The following EPC2 variants were observed in gnomAD, a reference collection of about 807,000 sequenced individuals.
The protein encoded by EPC2 is enhancer of polycomb 2, also known as enhancer of polycomb homolog 2.
EPC2 carries 14 observed loss-of-function variants against 92.1 expected under a neutral mutation model. The ratio of observed to expected loss-of-function variants is 0.15; its 90% CI spans 0.10 to 0.24. EPC2 has a LOEUF of 0.24. Among genes scored for constraint, EPC2 ranks in the 10% least tolerant of loss-of-function variants. The pLI, the probability that EPC2 is intolerant of heterozygous loss-of-function variation, is 1.00. For synonymous variants in EPC2, 340 were observed against 334.7 expected, an observed-to-expected ratio of 1.02 and a Z score of -0.17; for missense variants, 755 against 971.5, an observed-to-expected ratio of 0.78 and a Z score of 2.96.
chr2:148,778,242 T>C lies in EPC2; in HGVS notation c.1721-3402T>C, dbSNP rs566475473. On this transcript the variant is annotated intron_variant, in intron 10 of 13. Coordinates refer to ENST00000258484, the MANE Select transcript of EPC2 (RefSeq NM_015630.4). Reference sequence around the variant, plus strand: ...TTAAGATCAACTAGTGAAAAGAACTTGGCTTGGCCCTAAGCAAGAGAAGCA... The same window carrying C: ...TTAAGATCAACTAGTGAAAAGAACTCGGCTTGGCCCTAAGCAAGAGAAGCA... Among the ~76,000 whole-genome samples, 9 of 152,286 alleles carry C rather than the reference T, an allele frequency of 5.9e-5. No individual in the cohort carries two copies. In the South Asian group the frequency reaches 1.9e-3, roughly 32 times the overall value.
intron 1 of EPC2, among the ~76,000 whole-genome samples, chr2:148,663,328 C>A (rs1011768422): frequency 6.6e-6 from 1 of 150,584 alleles, no homozygotes; most frequent in African/African-American, 2.4e-5. Context: ...ACGCTATTCT[C>A]CTGCCTCAGC....
Position 148,762,794 on chromosome 2 carries a change from A to G in EPC2, c.940A>G (p.Lys314Glu), listed in dbSNP as rs1683328902. ...NGNHHKVQEC[K>E]TKHPHHLSLK... ...AAATCATCACAAAGTTCAAGAATGT[A>G]AAACTAAGGTGAATATTGTCTGGGA... Residue 314 changes from lysine (K) to glutamate (E), a missense_variant, in exon 6 of 14, where the codon AAA becomes GAA. Coordinates refer to ENST00000258484, the MANE Select transcript of EPC2 (RefSeq NM_015630.4). 6.2e-7 allele frequency: 1 copy of G among 1,604,090 alleles called. No homozygotes were observed. Among genetic ancestry groups the G allele is most frequent in the Admixed American group, 1.7e-5 (1 of 57,766 alleles).
chr2:148,747,992 A>G (rs1345631616), intron 3 of EPC2, among the ~76,000 whole-genome samples: 2 of 151,982 alleles, frequency 1.3e-5, no homozygotes, highest in African/African-American at 2.4e-5. Context: ...TATCATGTGG[A>G]ATTGTGATCT....
At chr2:148,724,051 TG>T (rs1460085517) in intron 2 of EPC2, among the ~76,000 whole-genome samples, 1 of 152,118 alleles carries the variant, frequency 6.6e-6, no homozygotes, top group African/African-American at 2.4e-5. Flanking sequence ...GATGTTATTT[TG>T]GTTTTAAAGA....
chr2:148,772,074 C>T (rs1683534546), intron 10 of EPC2, among the ~76,000 whole-genome samples: 1 of 152,168 alleles, frequency 6.6e-6, no homozygotes, highest in African/African-American at 2.4e-5. Context: ...GCTAGGATTA[C>T]AGGCATGAGC....
At chr2:148,746,658 G>A (rs773148111) in intron 3 of EPC2, among the ~76,000 whole-genome samples, 6 of 151,954 alleles carry the variant, frequency 3.9e-5, no homozygotes, top group Non-Finnish European at 5.9e-5. Context: ...AATATAGAGA[G>A]TAGATTACAT....
intron 1 of EPC2, among the ~76,000 whole-genome samples, chr2:148,681,559 T>G (rs1681396611): frequency 6.6e-6 from 1 of 152,168 alleles, no homozygotes; most frequent in Non-Finnish European, 1.5e-5. Context: ...ATAAAAAACA[T>G]TTTACAAACG....
intron 10 of EPC2, among the ~76,000 whole-genome samples, chr2:148,774,715 C>T (rs1228940913): frequency 6.6e-6 from 1 of 150,610 alleles, no homozygotes; most frequent in East Asian, 2.0e-4. Flanking sequence ...AGAACTAAAA[C>T]TAAAGACTTT....
intron 3 of EPC2, among the ~76,000 whole-genome samples, chr2:148,749,449 C>T (rs1574621362): frequency 6.6e-6 from 1 of 151,334 alleles, no homozygotes; most frequent in Admixed American, 6.6e-5. Context: ...TTAAAAGCGC[C>T]TAAAACTCAA....
intron 1 of EPC2, among the ~76,000 whole-genome samples, chr2:148,671,705 T>C (rs1681158418): frequency 6.6e-6 from 1 of 152,182 alleles, no homozygotes; most frequent in Non-Finnish European, 1.5e-5. Context: ...TCTTATTGTC[T>C]CCATTTACCT....
intron 2 of EPC2, among the ~76,000 whole-genome samples, chr2:148,731,367 G>GT (rs1682624524): frequency 6.6e-6 from 1 of 152,228 alleles, no homozygotes; most frequent in Admixed American, 6.5e-5. Flanking sequence ...CTATCAAGAG[G>GT]TTTAGATATT....
intron 1 of EPC2, among the ~76,000 whole-genome samples, chr2:148,649,356 T>G (rs1680613641): frequency 6.6e-6 from 1 of 152,202 alleles, no homozygotes; most frequent in Non-Finnish European, 1.5e-5. Flanking sequence ...CCCTTTCCAC[T>G]CCTAGTCCAA....
chr2:148,679,818 A>G (rs1452534336), intron 1 of EPC2, among the ~76,000 whole-genome samples: 2 of 151,986 alleles, frequency 1.3e-5, no homozygotes, highest in Admixed American at 1.3e-4. Context: ...GCTAATTTTT[A>G]TTTTTTTAAT....
At chr2:148,742,395 A>G (rs1195704155) in intron 2 of EPC2, among the ~76,000 whole-genome samples, 1 of 152,142 alleles carries the variant, frequency 6.6e-6, no homozygotes, top group South Asian at 2.1e-4. Context: ...CTATTGTCTT[A>G]TTATTGTATA....
intron 10 of EPC2, among the ~76,000 whole-genome samples, chr2:148,774,432 G>A (rs1683582514): frequency 1.3e-5 from 2 of 151,156 alleles, no homozygotes; most frequent in Non-Finnish European, 3.0e-5. Context: ...TTCGAGACCA[G>A]CCTGGGCAAC....
At chr2:148,676,873 G>GGC (rs1491139464) in intron 1 of EPC2, among the ~76,000 whole-genome samples, 6 of 34,354 alleles carry the variant, frequency 1.7e-4, no homozygotes, top group African/African-American at 5.0e-4. Flanking sequence ...CACTTTTTTT[G>GGC]GGGGGGGGGT....
At chr2:148,734,115 A>G (rs1026268477) in intron 2 of EPC2, among the ~76,000 whole-genome samples, 2 of 152,176 alleles carry the variant, frequency 1.3e-5, no homozygotes, top group Non-Finnish European at 2.9e-5. Context: ...TTAGAATTTT[A>G]TATATATGGA....
At chr2:148,682,080 T>C (rs1681409792) in intron 1 of EPC2, among the ~76,000 whole-genome samples, 1 of 152,226 alleles carries the variant, frequency 6.6e-6, no homozygotes, top group Non-Finnish European at 1.5e-5. Flanking sequence ...CGTAGTATTC[T>C]GTGGTGTATA....
Position 148,747,368 on chromosome 2 carries a change from A to G in EPC2, c.459+3601A>G, listed in dbSNP as rs141289396. Among the ~76,000 whole-genome samples the G allele has an allele frequency of 1.9e-3, 283 of 152,058 alleles. 2 individuals carry two copies. The highest frequency in any genetic ancestry group is 3.1e-3 in the Non-Finnish European group (209 of 67,948). On this transcript the variant is annotated intron_variant, in intron 3 of 13. Coordinates refer to ENST00000258484, the MANE Select transcript of EPC2 (RefSeq NM_015630.4). ...TCCTAACTCTTCCTTGTGTACCTGT[A>G]TAGTCCTCGAATATTTTATTTTCAC...
Sources: allele counts gnomAD v4.1 joint callset (sites outside exome capture counted in the v4.1 genomes callset), GRCh38; gene constraint gnomAD v4.1.1; transcripts MANE v1.5; gene names NCBI Gene and HGNC (gene_info 2026-07-23, HGNC 2026-07-21).